The following RNLS variants were observed in gnomAD, a reference collection of about 807,000 sequenced individuals.
The protein encoded by RNLS is renalase, FAD dependent amine oxidase.
RNLS carries 39 observed loss-of-function variants against 39.8 expected under a neutral mutation model. That is an observed-to-expected ratio of 0.98 (90% CI 0.76 to 1.28). RNLS has a LOEUF of 1.28. RNLS is among the 50% of genes most tolerant of loss of function. The pLI is 0.00. For missense variants in RNLS, 410 were observed against 413.3 expected, an observed-to-expected ratio of 0.99 and a Z score of 0.07; for synonymous variants, 147 against 150.7, an observed-to-expected ratio of 0.98 and a Z score of 0.18.
At chr10:88,264,194 A>G in the RNLS span, among the ~76,000 whole-genome samples, 2 of 152,112 alleles carry the variant, frequency 1.3e-5, no homozygotes, top group African/African-American at 2.4e-5. Flanking sequence ...GTATATATAT[A>G]CCACAATGTA....
At chr10:88,229,263 G>C in the RNLS span, among the ~76,000 whole-genome samples, 1 of 152,166 alleles carries the variant, frequency 6.6e-6, no homozygotes, top group African/African-American at 2.4e-5. Context: ...ATCTCAACTA[G>C]TGAGAAGTTG....
the RNLS span, among the ~76,000 whole-genome samples, chr10:88,203,276 ATATATATATATATACGTATG>A: frequency 1.5e-3 from 29 of 18,842 alleles, 2 homozygotes; most frequent in African/African-American, 3.9e-3. Context: ...ATGTATATAT[ATATATATATATATACGTATG>A]TATATATATA....
At chr10:88,483,635 C>T (rs1255249146) in intron 4 of RNLS, among the ~76,000 whole-genome samples, 4 of 151,894 alleles carry the variant, frequency 2.6e-5, no homozygotes, top group Admixed American at 6.6e-5. Flanking sequence ...ATAGAAGTTG[C>T]GTTTTTTATA....
chr10:88,186,546 G>A, the RNLS span, among the ~76,000 whole-genome samples: 3 of 152,144 alleles, frequency 2.0e-5, no homozygotes, highest in Non-Finnish European at 4.4e-5. Context: ...GTGCTTGGGA[G>A]CTGGAAGGGA....
chr10:88,560,553 C>T (rs1453322852), intron 4 of RNLS, among the ~76,000 whole-genome samples: 3 of 152,054 alleles, frequency 2.0e-5, no homozygotes, highest in Non-Finnish European at 4.4e-5. Context: ...ATCTTCCAAA[C>T]CCCGTAAGCA....
intron 5 of RNLS, among the ~76,000 whole-genome samples, chr10:88,321,098 T>C (rs1423576151): frequency 1.3e-5 from 2 of 152,022 alleles, no homozygotes; most frequent in South Asian, 2.1e-4. Context: ...ATATCAAGCA[T>C]CTTCTCAGAC....
At chr10:88,241,167 T>C in the RNLS span, among the ~76,000 whole-genome samples, 1 of 151,684 alleles carries the variant, frequency 6.6e-6, no homozygotes, top group Non-Finnish European at 1.5e-5. Flanking sequence ...AGGGTTATAA[T>C]AGCTTTATAA....
At position 88,479,661 on chromosome 10, in the gene RNLS, G is replaced by T. The variant is rs575141706; in HGVS notation, c.526+93242C>A. ...TTAGCCTAGTTTTAAAAATTATGCT[G>T]CCATCTCTTAGCCTTTCCCATTTTC... On this transcript the variant is annotated intron_variant, in intron 4 of 6. Coordinates refer to ENST00000331772, the MANE Select transcript of RNLS (RefSeq NM_001031709.3). Among the ~76,000 whole-genome samples the T allele has an allele frequency of 1.1e-4, 16 of 152,094 alleles. No individual in the cohort carries two copies. The South Asian group carries it at 3.1e-3, about 30-fold the overall frequency.
chr10:88,493,473 T>C (rs551788368), intron 4 of RNLS, among the ~76,000 whole-genome samples: 1 of 152,252 alleles, frequency 6.6e-6, no homozygotes, highest in African/African-American at 2.4e-5. Context: ...ACATCAATTA[T>C]TGTGATTTAA....
chr10:88,492,463 G>A (rs1378048447), intron 4 of RNLS, among the ~76,000 whole-genome samples: 1 of 143,648 alleles, frequency 7.0e-6, no homozygotes, highest in South Asian at 2.2e-4. Context: ...CTGCCATCCA[G>A]GCTGGAGTGC....
At chr10:88,554,071 G>T (rs1475425100) in intron 4 of RNLS, among the ~76,000 whole-genome samples, 1 of 151,606 alleles carries the variant, frequency 6.6e-6, no homozygotes, top group Non-Finnish European at 1.5e-5. Context: ...AAAATTAGTT[G>T]TCAGTTTTAC....
At chr10:88,495,950 A>G (rs1016432208) in intron 4 of RNLS, among the ~76,000 whole-genome samples, 2 of 152,138 alleles carry the variant, frequency 1.3e-5, no homozygotes, top group Non-Finnish European at 2.9e-5. Flanking sequence ...CTGGGGCAGG[A>G]TAGAGGAAGG....
rs74147206 is a variant in RNLS, at chr10:88,466,257, C to T, written c.527-103532G>A. On this transcript the variant is annotated intron_variant, in intron 4 of 6. Coordinates refer to ENST00000331772, the MANE Select transcript of RNLS (RefSeq NM_001031709.3). ...GAGACAGCTATCATTGAAAAAAAGT[C>T]CCACACCAATAAGCAAAAATAAAAA... Among the ~76,000 whole-genome samples, 370 of 152,062 alleles carry T rather than the reference C, an allele frequency of 2.4e-3. 1 individual carries two copies. Among genetic ancestry groups the T allele is most frequent in the African/African-American group, 8.0e-3 (333 of 41,484 alleles).
intron 4 of RNLS, among the ~76,000 whole-genome samples, chr10:88,534,259 C>A (rs186339287): frequency 1.1e-4 from 16 of 152,134 alleles, no homozygotes; most frequent in African/African-American, 3.6e-4. Flanking sequence ...AACATAGAAG[C>A]CCTGAATTAG....
intron 5 of RNLS, among the ~76,000 whole-genome samples, chr10:88,329,083 TC>T (rs1477979036): frequency 2.6e-5 from 4 of 151,766 alleles, no homozygotes; most frequent in Non-Finnish European, 5.9e-5. Flanking sequence ...TTTTTGTTTT[TC>T]TTTTTTTTTT....
intron 5 of RNLS, among the ~76,000 whole-genome samples, chr10:88,335,686 G>A (rs190147680): frequency 2.6e-5 from 4 of 152,300 alleles, no homozygotes; most frequent in South Asian, 4.1e-4. Context: ...TAGTGGTAAC[G>A]CAGATTTAAT....
At chr10:88,191,840 T>C in the RNLS span, among the ~76,000 whole-genome samples, 11 of 152,228 alleles carry the variant, frequency 7.2e-5, no homozygotes, top group South Asian at 1.0e-3. Context: ...TCCTCACTTG[T>C]GTGTAAAACG....
At chr10:88,514,628 C>G (rs555072674) in intron 4 of RNLS, among the ~76,000 whole-genome samples, 1 of 152,200 alleles carries the variant, frequency 6.6e-6, no homozygotes, top group South Asian at 2.1e-4. Context: ...TTGCGTTTGA[C>G]TCTTTTAGAT....
chr10:88,199,691 C>T, the RNLS span, among the ~76,000 whole-genome samples: 1 of 152,104 alleles, frequency 6.6e-6, no homozygotes, highest in African/African-American at 2.4e-5. Flanking sequence ...TGGCCTTCAC[C>T]TCCCATATAG....
Sources: allele counts gnomAD v4.1 joint callset (sites outside exome capture counted in the v4.1 genomes callset), GRCh38; gene constraint gnomAD v4.1.1; transcripts MANE v1.5; gene names NCBI Gene and HGNC (gene_info 2026-07-23, HGNC 2026-07-21).